SLIT3: variants seen among roughly 807,000 people sequenced by gnomAD.
The protein encoded by SLIT3 is slit guidance ligand 3.
SLIT3 carries 68 observed loss-of-function variants against 184.0 expected under a neutral mutation model. That is an observed-to-expected ratio of 0.37 (90% CI 0.30 to 0.45). The LOEUF is 0.45. Among genes scored for constraint, SLIT3 ranks in the 20% least tolerant of loss-of-function variants. The pLI, the probability that SLIT3 is intolerant of heterozygous loss-of-function variation, is 1.00. For missense variants in SLIT3, 1,707 were observed against 2,026.0 expected, an observed-to-expected ratio of 0.84 and a Z score of 3.02; for synonymous variants, 831 against 828.6, an observed-to-expected ratio of 1.00 and a Z score of -0.05.
At chr5:168,752,688 C>T in intron 18 of SLIT3, 1 of 451,188 alleles carries the variant, frequency 2.2e-6, no homozygotes, top group Non-Finnish European at 4.0e-6. Context: ...AGCCACCATG[C>T]CTGGCCTTCC....
At chr5:168,897,261 C>A (rs1447689487) in intron 4 of SLIT3, among the ~76,000 whole-genome samples, 1 of 152,170 alleles carries the variant, frequency 6.6e-6, no homozygotes, top group Non-Finnish European at 1.5e-5. Context: ...CTGCTTGAGG[C>A]AGGACTCCTT....
chr5:168,738,175 TA>T (rs1380958347), intron 20 of SLIT3, among the ~76,000 whole-genome samples: 2 of 152,224 alleles, frequency 1.3e-5, no homozygotes, highest in Non-Finnish European at 2.9e-5. Context: ...ATATTTACAA[TA>T]AGGTTAAAAT....
chr5:168,726,860 A>G (rs560376388), intron 20 of SLIT3, among the ~76,000 whole-genome samples: 18 of 152,058 alleles, frequency 1.2e-4, no homozygotes, highest in African/African-American at 3.9e-4. Flanking sequence ...AATACAAAAA[A>G]TACAGCTGGA....
At chr5:168,730,192 T>C (rs1352897156) in intron 20 of SLIT3, among the ~76,000 whole-genome samples, 1 of 151,164 alleles carries the variant, frequency 6.6e-6, no homozygotes, top group Non-Finnish European at 1.5e-5. Flanking sequence ...CCTAAATACA[T>C]ACACAACCAA....
intron 35 of SLIT3, chr5:168,666,895 C>CACCTAAGCCGTGAGGATAT: frequency 1.3e-6 from 1 of 776,356 alleles, no homozygotes; most frequent in Non-Finnish European, 2.2e-6. Flanking sequence ...GACAGGCTTA[C>CACCTAAGCCGTGAGGATAT]ACCTAAGCCG....
intron 3 of SLIT3, among the ~76,000 whole-genome samples, chr5:169,236,399 G>T (rs1009346506): frequency 3.3e-5 from 5 of 152,008 alleles, no homozygotes; most frequent in African/African-American, 1.2e-4. Context: ...TCAACTGGGT[G>T]CTGGGCATGC....
chr5:169,167,158 A>T (rs1257436408), intron 4 of SLIT3, among the ~76,000 whole-genome samples: 1 of 151,126 alleles, frequency 6.6e-6, no homozygotes, highest in African/African-American at 2.4e-5. Flanking sequence ...CAACAGAGTG[A>T]GACCCTGTCT....
intron 4 of SLIT3, among the ~76,000 whole-genome samples, chr5:169,059,064 T>A (rs1043742760): frequency 3.3e-5 from 5 of 152,168 alleles, no homozygotes; most frequent in African/African-American, 1.2e-4. Context: ...TTTTCAAGCA[T>A]GAGCTCCAAG....
At chr5:168,857,213 G>A (rs1281580234) in intron 5 of SLIT3, among the ~76,000 whole-genome samples, 6 of 152,194 alleles carry the variant, frequency 3.9e-5, no homozygotes, top group South Asian at 2.1e-4. Flanking sequence ...TTAATTGGCT[G>A]AAGAAATTTC....
chr5:168,942,937 G>A (rs1762372294), intron 4 of SLIT3, among the ~76,000 whole-genome samples: 1 of 152,228 alleles, frequency 6.6e-6, no homozygotes, highest in Non-Finnish European at 1.5e-5. Context: ...CAGTGGGCTA[G>A]GGGGAGGAAG....
At chr5:169,198,349 C>A (rs1000786431) in intron 3 of SLIT3, among the ~76,000 whole-genome samples, 1 of 152,154 alleles carries the variant, frequency 6.6e-6, no homozygotes, top group Non-Finnish European at 1.5e-5. Context: ...TAAAGGATGA[C>A]TAGAACTCTT....
At chr5:169,067,392 C>T (rs896235074) in intron 4 of SLIT3, among the ~76,000 whole-genome samples, 3 of 151,894 alleles carry the variant, frequency 2.0e-5, no homozygotes, top group Non-Finnish European at 4.4e-5. Context: ...GCCATCTCAG[C>T]GAGACTCCAC....
At chr5:168,705,763 G>C (rs1762356444) in intron 26 of SLIT3, among the ~76,000 whole-genome samples, 1 of 152,190 alleles carries the variant, frequency 6.6e-6, no homozygotes, top group African/African-American at 2.4e-5. Context: ...ATGCTTCATA[G>C]TACAGTCAAG....
At chr5:169,090,078 G>T (rs1264265790) in intron 4 of SLIT3, among the ~76,000 whole-genome samples, 2 of 152,130 alleles carry the variant, frequency 1.3e-5, no homozygotes, top group African/African-American at 4.8e-5. Flanking sequence ...ACATCCCATA[G>T]ATAAGCAACA....
intron 4 of SLIT3, among the ~76,000 whole-genome samples, chr5:169,150,516 T>TACACACACACAC (rs58010997): frequency 2.1e-5 from 3 of 145,364 alleles, no homozygotes; most frequent in Non-Finnish European, 1.5e-5. Context: ...TTCACTCACA[T>TACACACACACAC]ACACACACAC....
At chr5:168,768,234 G>C in intron 14 of SLIT3, 1 of 514,542 alleles carries the variant, frequency 1.9e-6, no homozygotes, top group Non-Finnish European at 4.0e-6. Flanking sequence ...AAGCACAAAG[G>C]AAAGCCCCGC....
At chr5:169,216,833 C>A (rs1343459486) in intron 3 of SLIT3, among the ~76,000 whole-genome samples, 1 of 152,128 alleles carries the variant, frequency 6.6e-6, no homozygotes, top group Non-Finnish European at 1.5e-5. Flanking sequence ...ATTCAGCAGC[C>A]CGCAGCAGTG....
In SLIT3 at chr5:168,865,546, C is replaced by T. The variant is rs1478643954; in HGVS notation, c.485+17719G>A. Among the ~76,000 whole-genome samples, 10 of 152,296 alleles carry T rather than the reference C, an allele frequency of 6.6e-5. No homozygotes were observed. The East Asian group carries it at 1.9e-3, about 29-fold the overall frequency. The stretch of plus-strand genomic sequence containing the variant: ...AGTTCTACAGGCAAAACTACAGTGA[C>T]AGAAAGCAGATTGGTGTTCGCCAGG... On this transcript the variant is annotated intron_variant, in intron 5 of 35. Coordinates refer to ENST00000519560, the MANE Select transcript of SLIT3 (RefSeq NM_003062.4).
In SLIT3 at chr5:168,687,015, A is replaced by T. The variant is rs1289655455; in HGVS notation, c.3278T>A (p.Ile1093Asn). ...GGGGCAGGTGCATGTGTAGCCATTG[A>T]TTGTGTCCACGCACTGGGCCCCGTG... is the stretch of plus-strand genomic sequence containing the variant. ...CRHGAQCVDT[I>N]NGYTCTCPQG... The change falls in exon 30 of 36, where the codon ATC (isoleucine) becomes AAC (asparagine). Residue 1093 changes from isoleucine (I) to asparagine (N), a missense_variant. Around this residue, in one of 3 missense-constraint regions of SLIT3, gnomAD observed 1,307 missense variants for 1,511.6 expected, o/e 0.86. Transcript: ENST00000519560. The T allele has an allele frequency of 6.2e-7, 1 of 1,614,228 alleles. No homozygotes were observed. The highest frequency in any genetic ancestry group is 8.5e-7 in the Non-Finnish European group (1 of 1,180,024).
Sources: gnomAD v4.1 joint callset for allele counts (sites outside exome capture counted in the v4.1 genomes callset) on GRCh38, gnomAD v4.1.1 for gene constraint, gnomAD v4.1.1 regional missense constraint, MANE v1.5 for transcripts, NCBI Gene and HGNC (gene_info 2026-07-23, HGNC 2026-07-21) for gene names.